The following CA10 variants were observed in gnomAD, a reference collection of about 807,000 sequenced individuals.
The protein encoded by CA10 is carbonic anhydrase-related protein 10.
In CA10, 14 loss-of-function variants were observed where a neutral mutation model predicts 44.2. That is an observed-to-expected ratio of 0.32 (90% CI 0.21 to 0.50). CA10 has a LOEUF of 0.50. Among genes scored for constraint, CA10 ranks in the 20% least tolerant of loss-of-function variants. The pLI is 0.99. For synonymous variants in CA10, 159 were observed against 141.6 expected, an observed-to-expected ratio of 1.12 and a Z score of -0.87; for missense variants, 350 against 409.7, an observed-to-expected ratio of 0.85 and a Z score of 1.26.
chr17:51,763,213 A>G (rs1905263939), intron 3 of CA10: 1 of 152,244 alleles, frequency 6.6e-6, no homozygotes, highest in African/African-American at 2.4e-5. Context: ...ATGGCTTCAA[A>G]GCAATGGTTA....
intron 2 of CA10, among the ~76,000 whole-genome samples, chr17:52,052,224 C>A (rs1428750168): frequency 6.6e-6 from 1 of 151,110 alleles, no homozygotes; most frequent in Admixed American, 6.6e-5. Flanking sequence ...GAACAACAAC[C>A]CCCCATGACA....
chr17:51,710,081 C>T (rs1410035394), intron 4 of CA10, among the ~76,000 whole-genome samples: 5 of 152,122 alleles, frequency 3.3e-5, no homozygotes, highest in South Asian at 2.1e-4. Context: ...ACAAACAGCA[C>T]GGAGTGTACT....
chr17:52,015,898 G>T (rs903047152), intron 2 of CA10, among the ~76,000 whole-genome samples: 1 of 152,074 alleles, frequency 6.6e-6, no homozygotes, highest in Non-Finnish European at 1.5e-5. Context: ...ATTCTTTCAG[G>T]TCAACCACGT....
At chr17:51,677,885 A>ACCCCCCCCCCC (rs201803270) in intron 4 of CA10, among the ~76,000 whole-genome samples, 1 of 137,920 alleles carries the variant, frequency 7.3e-6, no homozygotes, top group African/African-American at 2.7e-5. Context: ...CTAGGTATAC[A>ACCCCCCCCCCC]CCCCCCCCCC....
chr17:51,836,976 G>C (rs1010374606), intron 3 of CA10, among the ~76,000 whole-genome samples: 5 of 152,016 alleles, frequency 3.3e-5, no homozygotes, highest in African/African-American at 1.2e-4. Flanking sequence ...GGAGGGAAAG[G>C]GGGTGTAAGG....
chr17:52,094,263 A>G (rs968295632), intron 1 of CA10, among the ~76,000 whole-genome samples: 3 of 151,974 alleles, frequency 2.0e-5, no homozygotes, highest in South Asian at 2.1e-4. Flanking sequence ...CATTCTGCAC[A>G]TGTAACCCAT....
chr17:51,652,730 G>A (rs1251982018), intron 5 of CA10, among the ~76,000 whole-genome samples: 1 of 152,128 alleles, frequency 6.6e-6, no homozygotes, highest in Non-Finnish European at 1.5e-5. Flanking sequence ...TAATAATGAT[G>A]TCATCATGAC....
chr17:51,851,745 T>C (rs1476367117), intron 3 of CA10, among the ~76,000 whole-genome samples: 1 of 152,234 alleles, frequency 6.6e-6, no homozygotes, highest in Non-Finnish European at 1.5e-5. Context: ...TGAACTAATC[T>C]GAACCATCTG....
intron 6 of CA10, among the ~76,000 whole-genome samples, chr17:51,636,982 CTG>C (rs1209430981): frequency 2.0e-5 from 3 of 152,166 alleles, no homozygotes; most frequent in African/African-American, 7.2e-5. Flanking sequence ...TCATCTAAAA[CTG>C]TTACTATTAG....
intron 2 of CA10, among the ~76,000 whole-genome samples, chr17:52,049,324 T>C (rs1986995659): frequency 6.6e-6 from 1 of 152,106 alleles, no homozygotes; most frequent in African/African-American, 2.4e-5. Context: ...CTATGCGGCC[T>C]TGAGTAAGTT....
chr17:52,097,561 G>A (rs185664877), intron 1 of CA10, among the ~76,000 whole-genome samples: 1 of 152,218 alleles, frequency 6.6e-6, no homozygotes, highest in African/African-American at 2.4e-5. Flanking sequence ...CACTGGTTTT[G>A]CACTCTGGGT....
Position 51,631,563 on chromosome 17 carries a change from G to C in CA10, c.*21C>G. ...CAGTTGTAGCATTTCACTGAGGTGG[G>C]ATTCTTCTTGGCTTTGTTCCCTACT... On this transcript the variant is annotated 3_prime_UTR_variant, in exon 9 of 9. Transcript: ENST00000451037. 1.2e-6 allele frequency: 2 copies of C among 1,607,736 alleles called. No individual in the cohort carries two copies. The highest frequency in any genetic ancestry group is 1.7e-6 in the Non-Finnish European group (2 of 1,174,514).
chr17:51,726,906 A>G (rs1033972674), intron 4 of CA10, among the ~76,000 whole-genome samples: 2 of 152,236 alleles, frequency 1.3e-5, no homozygotes, highest in African/African-American at 4.8e-5. Context: ...TTGGTGGCAC[A>G]GGTGGGATCA....
chr17:51,669,881 A>G (rs898004276), intron 4 of CA10, among the ~76,000 whole-genome samples: 2 of 152,196 alleles, frequency 1.3e-5, no homozygotes, highest in African/African-American at 4.8e-5. Context: ...CCCCACCCAA[A>G]TCTTATCTTG....
At chr17:51,761,082 T>A (rs937044410) in intron 3 of CA10, among the ~76,000 whole-genome samples, 2 of 152,164 alleles carry the variant, frequency 1.3e-5, no homozygotes, top group Non-Finnish European at 2.9e-5. Context: ...TGCCCTCCCT[T>A]ATGCGAACAC....
intron 3 of CA10, among the ~76,000 whole-genome samples, chr17:51,840,478 TACACACAC>T (rs3033576): frequency 0.018 from 2,617 of 146,524 alleles, 50 homozygotes; most frequent in East Asian, 0.066. Flanking sequence ...CAACCTTTAA[TACACACAC>T]ACACACACAC....
rs915298940 is a variant in CA10 at position 52,158,122 on chromosome 17, G to A, written c.-336C>T. Reference sequence around the variant, plus strand: ...TAGCAGCGGCGGCGGCGGCGGCGGCGGCAGCAGCCACCTGAAGCCACCAAC... The same window carrying A: ...TAGCAGCGGCGGCGGCGGCGGCGGCAGCAGCAGCCACCTGAAGCCACCAAC... On this transcript the variant is annotated 5_prime_UTR_variant, in exon 1 of 9. Coordinates refer to ENST00000451037, the MANE Select transcript of CA10 (RefSeq NM_020178.5). The A allele has an allele frequency of 2.9e-5, 13 of 444,086 alleles. No individual in the cohort carries two copies. Among genetic ancestry groups the A allele is most frequent in the South Asian group, 8.3e-5 (4 of 48,070 alleles). 27.5% of individuals were successfully genotyped at this position (444,086 alleles called of 1,614,324 possible). A position where few individuals can be genotyped will look rare whatever the true frequency, so the allele number is the denominator to read the frequency against.
At chr17:51,700,159 G>A (rs749815175) in intron 4 of CA10, among the ~76,000 whole-genome samples, 1 of 152,126 alleles carries the variant, frequency 6.6e-6, no homozygotes, top group Non-Finnish European at 1.5e-5. Context: ...GAGCATCCTT[G>A]GAGAACTGGT....
intron 4 of CA10, among the ~76,000 whole-genome samples, chr17:51,691,837 AGT>A (rs1288970095): frequency 6.6e-6 from 1 of 150,778 alleles, no homozygotes; most frequent in Non-Finnish European, 1.5e-5. Flanking sequence ...TCCTTTCCCC[AGT>A]GTGTGTTCTT....
Sources: allele counts gnomAD v4.1 joint callset (sites outside exome capture counted in the v4.1 genomes callset), GRCh38; gene constraint gnomAD v4.1.1; transcripts MANE v1.5; gene names NCBI Gene and HGNC (gene_info 2026-07-23, HGNC 2026-07-21).